The following GREM2 variants were observed in gnomAD, a reference collection of about 807,000 sequenced individuals.
GREM2 encodes gremlin 2, DAN family BMP antagonist.
In GREM2, 11 loss-of-function variants were observed where a neutral mutation model predicts 14.2. The observed-to-expected ratio is 0.78, with a 90% CI of 0.49 to 1.28. GREM2 has a LOEUF of 1.28. Among genes scored for constraint, GREM2 ranks in the 50% most tolerant of loss-of-function variants. The pLI, the probability that GREM2 is intolerant of heterozygous loss-of-function variation, is 0.00. For synonymous variants in GREM2, 98 were observed against 97.6 expected, an observed-to-expected ratio of 1.00 and a Z score of -0.02; for missense variants, 210 against 218.5, an observed-to-expected ratio of 0.96 and a Z score of 0.24.
rs963734468 is a variant in GREM2 at position 240,540,621 on chromosome 1, G to A, written c.-1-47145C>T. On this transcript the variant is annotated intron_variant, in intron 1 of 1. Coordinates refer to ENST00000318160, the MANE Select transcript of GREM2 (RefSeq NM_022469.4). This position sits in a 1 kb window ranked among gnomAD's most constrained non-coding sequence, Gnocchi z 4.2. ...CTCTGTCGCCAGTTTGGAGTGCAGT[G>A]GCACGATGTAGACTTACAGCAACCT... Among the ~76,000 whole-genome samples the A allele has an allele frequency of 2.0e-5, 3 of 150,802 alleles. No individual in the cohort carries two copies. The highest frequency in any genetic ancestry group is 2.0e-4 in the Admixed American group (3 of 15,146).
chr1:240,517,191 T>A (rs915812957), intron 1 of GREM2, among the ~76,000 whole-genome samples: 5 of 152,220 alleles, frequency 3.3e-5, no homozygotes, highest in Non-Finnish European at 7.3e-5. Context: ...AGAACCAGAA[T>A]TCAAACTTAT....
intron 1 of GREM2, among the ~76,000 whole-genome samples, chr1:240,544,296 T>A (rs559437144): frequency 2.0e-5 from 3 of 152,072 alleles, no homozygotes; most frequent in African/African-American, 7.2e-5. Flanking sequence ...TACAGGCACC[T>A]GCCACCACGC....
At chr1:240,503,547 A>G (rs1311134261) in intron 1 of GREM2, among the ~76,000 whole-genome samples, 1 of 152,188 alleles carries the variant, frequency 6.6e-6, no homozygotes, top group Non-Finnish European at 1.5e-5. Context: ...GGCACAATGC[A>G]TAGGCCTTCT....
At chr1:240,514,310 G>C (rs1415644955) in intron 1 of GREM2, among the ~76,000 whole-genome samples, 1 of 148,762 alleles carries the variant, frequency 6.7e-6, no homozygotes, top group Non-Finnish European at 1.5e-5. Flanking sequence ...TATTCCATTA[G>C]AGGTGAGACT....
chr1:240,587,175 C>G (rs1679615257), intron 1 of GREM2, among the ~76,000 whole-genome samples: 1 of 152,122 alleles, frequency 6.6e-6, no homozygotes, highest in Non-Finnish European at 1.5e-5. Flanking sequence ...ACTAAGAAGC[C>G]TACCACTCAA....
At chr1:240,609,367 T>C (rs1456231964) in intron 1 of GREM2, among the ~76,000 whole-genome samples, 1 of 151,954 alleles carries the variant, frequency 6.6e-6, no homozygotes, top group Non-Finnish European at 1.5e-5. Flanking sequence ...CAGTGTTGAG[T>C]CTGAGGACCA....
At position 240,543,112 on chromosome 1, in the gene GREM2, T is replaced by G. The variant is rs749229650; in HGVS notation, c.-1-49636A>C. On this transcript the variant is annotated intron_variant, in intron 1 of 1. Transcript: ENST00000318160. This position sits in a 1 kb window ranked among gnomAD's most constrained non-coding sequence, Gnocchi z 6.4. ...AAGCATTTCCTCGATCACTCTGTCATGATTATTTGACTATTATTTTACATC... is the reference window on the plus strand; with the variant it reads ...AAGCATTTCCTCGATCACTCTGTCAGGATTATTTGACTATTATTTTACATC... Among the ~76,000 whole-genome samples the G allele has an allele frequency of 1.3e-5, 2 of 152,224 alleles. No individual in the cohort carries two copies. The highest frequency in any genetic ancestry group is 2.9e-5 in the Non-Finnish European group (2 of 68,040).
intron 1 of GREM2, among the ~76,000 whole-genome samples, chr1:240,503,672 C>G (rs921030757): frequency 1.3e-5 from 2 of 152,176 alleles, no homozygotes; most frequent in Non-Finnish European, 2.9e-5. Flanking sequence ...GCTTTCCACT[C>G]CCATATAGCT....
intron 1 of GREM2, among the ~76,000 whole-genome samples, chr1:240,536,000 C>T (rs1398449829): frequency 6.6e-6 from 1 of 151,932 alleles, no homozygotes; most frequent in Admixed American, 6.6e-5. Flanking sequence ...TTTGGGAACA[C>T]GTAGGACCTG....
intron 1 of GREM2, among the ~76,000 whole-genome samples, chr1:240,554,914 C>T (rs952312120): frequency 3.3e-5 from 5 of 152,118 alleles, no homozygotes; most frequent in South Asian, 2.1e-4. Context: ...GAGGTTGAGG[C>T]GGGAGGATCA....
chr1:240,526,058 C>T lies in GREM2; in HGVS notation c.-1-32582G>A, dbSNP rs531084113. On this transcript the variant is annotated intron_variant, in intron 1 of 1. Transcript: ENST00000318160. Reference sequence around the variant, plus strand: ...AACGTACTCCTGCTTTAAGGACTCACGTGTTTATATTGAGCCTGCCTGGAT... The same window carrying T: ...AACGTACTCCTGCTTTAAGGACTCATGTGTTTATATTGAGCCTGCCTGGAT... Among the ~76,000 whole-genome samples the T allele has an allele frequency of 2.6e-5, 4 of 152,256 alleles. No homozygotes were observed. The East Asian group carries it at 5.8e-4, about 22-fold the overall frequency.
intron 1 of GREM2, among the ~76,000 whole-genome samples, chr1:240,585,215 G>A (rs1174739917): frequency 6.6e-6 from 1 of 152,078 alleles, no homozygotes; most frequent in Non-Finnish European, 1.5e-5. Flanking sequence ...CAAGACTAGT[G>A]TGAAGGAAGG....
intron 1 of GREM2, among the ~76,000 whole-genome samples, chr1:240,511,348 C>T (rs1677824546): frequency 1.3e-5 from 2 of 152,166 alleles, no homozygotes; most frequent in Admixed American, 1.3e-4. Context: ...ATTTACATAG[C>T]ATTTTTGTTG....
At chr1:240,566,009 G>A (rs1238784634) in intron 1 of GREM2, among the ~76,000 whole-genome samples, 3 of 151,930 alleles carry the variant, frequency 2.0e-5, no homozygotes, top group South Asian at 2.1e-4. Context: ...TTTGCATTAC[G>A]GTCACAGGCA....
intron 1 of GREM2, among the ~76,000 whole-genome samples, chr1:240,579,435 A>G (rs1384070466): frequency 6.6e-6 from 1 of 152,198 alleles, no homozygotes; most frequent in Non-Finnish European, 1.5e-5. Context: ...CATCTATTAC[A>G]ATGAGATAAT....
At chr1:240,568,157 T>C (rs1232241465) in intron 1 of GREM2, among the ~76,000 whole-genome samples, 1 of 152,068 alleles carries the variant, frequency 6.6e-6, no homozygotes, top group Non-Finnish European at 1.5e-5. Context: ...AACATATATA[T>C]AAATACAATA....
At chr1:240,496,908 C>T (rs1381329076) in intron 1 of GREM2, among the ~76,000 whole-genome samples, 1 of 152,098 alleles carries the variant, frequency 6.6e-6, no homozygotes, top group Non-Finnish European at 1.5e-5. Context: ...GTAGTCCCAG[C>T]TACTCAGGAG....
rs1283124485 is a variant in GREM2, at chr1:240,492,920, C to T, written c.*49G>A. The T allele has an allele frequency of 5.1e-6, 7 of 1,362,112 alleles. No individual in the cohort carries two copies. Among genetic ancestry groups the T allele is most frequent in the Non-Finnish European group, 5.7e-6 (6 of 1,056,164 alleles). The allele number at this position is 1,362,112 out of a possible 1,614,324, so 84.4% of individuals were successfully genotyped here. A position where few individuals can be genotyped will look rare whatever the true frequency, so the allele number is the denominator to read the frequency against. ...GCAGGGACAGAGGCGGCGGCGGCGCCACCCAGCGGCCGGGCGCGCGCGGGG... is the reference window on the plus strand; with the variant it reads ...GCAGGGACAGAGGCGGCGGCGGCGCTACCCAGCGGCCGGGCGCGCGCGGGG... On this transcript the variant is annotated 3_prime_UTR_variant, in exon 2 of 2. Transcript: ENST00000318160.
intron 1 of GREM2, among the ~76,000 whole-genome samples, chr1:240,566,736 A>G (rs1308137063): frequency 6.6e-6 from 1 of 152,228 alleles, no homozygotes; most frequent in African/African-American, 2.4e-5. Flanking sequence ...AAACTCAAGA[A>G]TATTTACAGG....
Sources: allele counts gnomAD v4.1 joint callset (sites outside exome capture counted in the v4.1 genomes callset), GRCh38; gene constraint gnomAD v4.1.1; non-coding constraint Gnocchi (gnomAD v3.1); transcripts MANE v1.5; gene names NCBI Gene and HGNC (gene_info 2026-07-23, HGNC 2026-07-21).